The following NRG3 variants were observed in gnomAD, a reference collection of about 807,000 sequenced individuals.
The protein encoded by NRG3 is neuregulin 3.
In NRG3, 31 loss-of-function variants were observed where a neutral mutation model predicts 66.9. That is an observed-to-expected ratio of 0.46 (90% CI 0.35 to 0.63). The LOEUF (loss-of-function observed/expected upper bound fraction) is 0.63. Among genes scored for constraint, NRG3 ranks in the 20% least tolerant of loss-of-function variants. The probability of loss-of-function intolerance (pLI) is 0.00; values close to 1 mark genes in which losing one functional copy is unlikely to be tolerated. For synonymous variants in NRG3, 393 were observed against 359.4 expected (o/e 1.09, Z -1.06); for missense variants, 910 against 878.9 (o/e 1.04, Z -0.45).
intron 1 of NRG3, among the ~76,000 whole-genome samples, chr10:82,240,357 A>T (rs974373414): frequency 1.3e-5 from 2 of 152,160 alleles, no homozygotes; most frequent in Non-Finnish European, 2.9e-5. Flanking sequence ...TGAAGATGAA[A>T]GTGTAGATTT....
At chr10:82,853,157 G>C (rs560091020) in intron 3 of NRG3, among the ~76,000 whole-genome samples, 28 of 152,208 alleles carry the variant, frequency 1.8e-4, no homozygotes, top group Non-Finnish European at 1.5e-5. Flanking sequence ...TATTTTAATG[G>C]ACATCTTTTG....
intron 1 of NRG3, among the ~76,000 whole-genome samples, chr10:82,150,784 A>G (rs1313284338): frequency 1.3e-5 from 2 of 152,160 alleles, no homozygotes; most frequent in African/African-American, 4.8e-5. Flanking sequence ...CCAGTCTTTT[A>G]GAGCTACTCT....
Position 82,594,878 on chromosome 10 carries a change from A to C in NRG3, c.954-143699A>C, listed in dbSNP as rs113861713. On this transcript the variant is annotated intron_variant, in intron 2 of 8. Transcript: ENST00000372141. ...TGGACCCTACCATGGTATCATGGTC[A>C]TCGCCTCTCAAAAAAAAAATCTGCA... Among the ~76,000 whole-genome samples the C allele has an allele frequency of 3.5e-3, 538 of 152,038 alleles. 1 individual carries two copies. The highest frequency in any genetic ancestry group is 0.012 in the African/African-American group (513 of 41,502).
chr10:82,291,586 A>G (rs2079750251), intron 1 of NRG3, among the ~76,000 whole-genome samples: 1 of 152,242 alleles, frequency 6.6e-6, no homozygotes, highest in Non-Finnish European at 1.5e-5. Flanking sequence ...TACAGTAATT[A>G]AGACAATTTG....
intron 1 of NRG3, among the ~76,000 whole-genome samples, chr10:82,070,679 C>T (rs911009365): frequency 6.6e-5 from 10 of 151,808 alleles, no homozygotes; most frequent in African/African-American, 9.7e-5. Context: ...AGGAAAAAAA[C>T]GAACAAAGGA....
intron 1 of NRG3, among the ~76,000 whole-genome samples, chr10:81,969,038 G>A (rs1312542255): frequency 3.3e-5 from 5 of 152,204 alleles, no homozygotes; most frequent in Non-Finnish European, 7.3e-5. Flanking sequence ...AATAGGTCAT[G>A]TAAGGTATCT....
At chr10:82,445,322 T>G (rs11595839) in intron 2 of NRG3, among the ~76,000 whole-genome samples, 20,129 of 152,172 alleles carry the variant, frequency 0.13, 1,624 homozygotes, top group East Asian at 0.33. Context: ...ATTAGAGTAT[T>G]GTGGATGTCA....
chr10:82,634,814 G>T (rs568136486), intron 2 of NRG3, among the ~76,000 whole-genome samples: 1 of 152,140 alleles, frequency 6.6e-6, no homozygotes, highest in African/African-American at 2.4e-5. Flanking sequence ...ATGATGGTTG[G>T]ATAGAGTGTT....
chr10:82,672,522 T>C (rs972638109), intron 2 of NRG3, among the ~76,000 whole-genome samples: 3 of 152,166 alleles, frequency 2.0e-5, no homozygotes, highest in Non-Finnish European at 4.4e-5. Flanking sequence ...GCTTTCTGCC[T>C]TCATTTACGA....
chr10:82,678,128 G>A (rs2053850381), intron 2 of NRG3, among the ~76,000 whole-genome samples: 1 of 152,294 alleles, frequency 6.6e-6, no homozygotes, highest in South Asian at 2.1e-4. Context: ...ATCTTATCAG[G>A]AAGCGGCTGA....
intron 2 of NRG3, among the ~76,000 whole-genome samples, chr10:82,654,723 A>C (rs979256326): frequency 6.6e-6 from 1 of 152,180 alleles, no homozygotes; most frequent in Non-Finnish European, 1.5e-5. Flanking sequence ...CAAGGATTTC[A>C]GAATCTATTA....
chr10:82,920,600 T>A (rs1006540414), intron 4 of NRG3, among the ~76,000 whole-genome samples: 2 of 152,140 alleles, frequency 1.3e-5, no homozygotes, highest in Non-Finnish European at 2.9e-5. Context: ...TTTCTAAAAC[T>A]ATTTTCCAAT....
At chr10:82,149,481 G>T (rs529511589) in intron 1 of NRG3, among the ~76,000 whole-genome samples, 1 of 152,072 alleles carries the variant, frequency 6.6e-6, no homozygotes, top group Non-Finnish European at 1.5e-5. Flanking sequence ...GTGTTTTATT[G>T]CCTGTGAGCA....
chr10:82,587,128 T>C (rs749116308), intron 2 of NRG3, among the ~76,000 whole-genome samples: 32 of 152,268 alleles, frequency 2.1e-4, no homozygotes, highest in Admixed American at 5.2e-4. Flanking sequence ...GTCTCACAAG[T>C]ATATCATATT....
intron 3 of NRG3, among the ~76,000 whole-genome samples, chr10:82,823,097 C>T (rs1282040646): frequency 1.3e-5 from 2 of 152,164 alleles, no homozygotes; most frequent in Admixed American, 6.5e-5. Context: ...CCGTCTGACA[C>T]TTGCATTTAC....
intron 1 of NRG3, among the ~76,000 whole-genome samples, chr10:82,132,608 T>C (rs2069010099): frequency 6.9e-6 from 1 of 145,064 alleles, no homozygotes; most frequent in South Asian, 2.2e-4. Context: ...AAGTATTTCC[T>C]CCTCCTCCTC....
At chr10:82,587,343 T>C (rs2046734999) in intron 2 of NRG3, among the ~76,000 whole-genome samples, 1 of 152,198 alleles carries the variant, frequency 6.6e-6, no homozygotes, top group African/African-American at 2.4e-5. Context: ...GTTAGTACTA[T>C]ACATTTTAAT....
rs144457177 is a variant in NRG3 at position 81,879,840 on chromosome 10, T to C, written c.823+3677T>C. Among the ~76,000 whole-genome samples, 793 of 152,334 alleles carry C rather than the reference T, an allele frequency of 5.2e-3. 6 individuals are homozygous for C. The highest frequency in any genetic ancestry group is 0.018 in the African/African-American group (757 of 41,584). On this transcript the variant is annotated intron_variant, in intron 1 of 8. Coordinates refer to ENST00000372141, the MANE Select transcript of NRG3 (RefSeq NM_001010848.4). ...CTTAAATAAGGGTACACTTGTTTGC[T>C]TTATAAGCAGCCTCAGATATAATTT...
chr10:81,930,634 A>G (rs1277521860), intron 1 of NRG3, among the ~76,000 whole-genome samples: 1 of 152,200 alleles, frequency 6.6e-6, no homozygotes, highest in Non-Finnish European at 1.5e-5. Flanking sequence ...ACTTGTCCCA[A>G]GGTAGGAGAA....
Sources: allele counts gnomAD v4.1 joint callset (sites outside exome capture counted in the v4.1 genomes callset), GRCh38; gene constraint gnomAD v4.1.1; transcripts MANE v1.5; gene names NCBI Gene and HGNC (gene_info 2026-07-23, HGNC 2026-07-21).